KIF26B: variants seen among roughly 807,000 people sequenced by gnomAD.
The protein encoded by KIF26B is kinesin family member 26B.
A neutral mutation model predicts 151.2 loss-of-function variants in KIF26B; 63 were observed. The ratio of observed to expected loss-of-function variants is 0.42; its 90% CI spans 0.34 to 0.51. The LOEUF (loss-of-function observed/expected upper bound fraction) is 0.51. Ranked by LOEUF, KIF26B falls within the 20% of genes least tolerant of loss-of-function variation. The probability of loss-of-function intolerance (pLI) is 0.07; values close to 1 mark genes in which losing one functional copy is unlikely to be tolerated. For missense variants in KIF26B, 2,813 were observed against 2,913.6 expected (o/e 0.97, Z 0.79); for synonymous variants, 1,357 against 1,262.1 (o/e 1.08, Z -1.59).
At chr1:245,549,931 C>T (rs1023508184) in intron 5 of KIF26B, among the ~76,000 whole-genome samples, 31 of 152,186 alleles carry the variant, frequency 2.0e-4, no homozygotes, top group Non-Finnish European at 4.0e-4. Context: ...CAGGCATATG[C>T]CACCACGCTC....
intron 2 of KIF26B, among the ~76,000 whole-genome samples, chr1:245,311,172 C>T (rs1263684909): frequency 6.6e-6 from 1 of 152,116 alleles, no homozygotes; most frequent in Non-Finnish European, 1.5e-5. Context: ...TTTCTCACCG[C>T]CTGATTGTTC....
chr1:245,282,366 G>A (rs1041215250), intron 2 of KIF26B, among the ~76,000 whole-genome samples: 3 of 152,110 alleles, frequency 2.0e-5, no homozygotes, highest in East Asian at 1.9e-4. Flanking sequence ...AAGCATCTCC[G>A]GAAAAGTTTC....
At chr1:245,251,397 C>T (rs568784039) in intron 2 of KIF26B, among the ~76,000 whole-genome samples, 3 of 152,264 alleles carry the variant, frequency 2.0e-5, no homozygotes, top group Non-Finnish European at 4.4e-5. Flanking sequence ...TTTCAAATAT[C>T]TTCTCCTAAT....
chr1:245,629,856 G>T (rs922421536), intron 9 of KIF26B, among the ~76,000 whole-genome samples: 1 of 151,764 alleles, frequency 6.6e-6, no homozygotes, highest in Non-Finnish European at 1.5e-5. Flanking sequence ...TCTGACAAGG[G>T]TCTAATATCC....
At chr1:245,539,809 C>A (rs1661567448) in intron 4 of KIF26B, among the ~76,000 whole-genome samples, 1 of 152,204 alleles carries the variant, frequency 6.6e-6, no homozygotes, top group South Asian at 2.1e-4. Context: ...TGCACCACCA[C>A]ACCCGGCTAA....
At chr1:245,422,359 G>A (rs1397368837) in intron 4 of KIF26B, among the ~76,000 whole-genome samples, 1 of 151,830 alleles carries the variant, frequency 6.6e-6, no homozygotes, top group Non-Finnish European at 1.5e-5. Flanking sequence ...TATTAGCTGG[G>A]CTTTCCCACC....
chr1:245,558,782 T>C (rs866383995), intron 5 of KIF26B, among the ~76,000 whole-genome samples: 3 of 152,306 alleles, frequency 2.0e-5, no homozygotes, highest in Middle Eastern at 3.4e-3. Context: ...AAAGGCAAAA[T>C]ACATGACACT....
intron 3 of KIF26B, among the ~76,000 whole-genome samples, chr1:245,387,932 C>A (rs1162989089): frequency 6.6e-6 from 1 of 152,186 alleles, no homozygotes; most frequent in Non-Finnish European, 1.5e-5. Context: ...CAGTCCTGGG[C>A]TGCGTTTACT....
chr1:245,208,181 TG>T, intron 2 of KIF26B, among the ~76,000 whole-genome samples: 1 of 152,328 alleles, frequency 6.6e-6, no homozygotes, highest in African/African-American at 2.4e-5. Context: ...AGGCTGGCAG[TG>T]GGACTCTACT....
intron 3 of KIF26B, among the ~76,000 whole-genome samples, chr1:245,391,714 T>A (rs531935379): frequency 1.3e-5 from 2 of 152,232 alleles, no homozygotes; most frequent in African/African-American, 2.4e-5. Flanking sequence ...ATGCCACTTT[T>A]CTTACTAATT....
chr1:245,156,480 G>T lies in KIF26B; in HGVS notation c.262G>T (p.Ala88Ser), dbSNP rs1471119897. The T allele has an allele frequency of 1.3e-6, 2 of 1,524,748 alleles. No homozygotes were observed. The highest frequency in any genetic ancestry group is 1.4e-5 in the African/African-American group (1 of 71,072). The allele number at this position is 1,524,748 out of a possible 1,614,324, so 94.5% of individuals were successfully genotyped here. A position where few individuals can be genotyped will look rare whatever the true frequency, so the allele number is the denominator to read the frequency against. Residue 88 changes from alanine to serine, a missense_variant, in exon 2 of 15, where the codon GCC becomes TCC. Transcript: ENST00000407071. Reference sequence around the variant, plus strand: ...CTCGTTCACCGGCTCCCCGGGACCCGCCTCCCCCGGCATCGGCACTAGTTC... The same window carrying T: ...CTCGTTCACCGGCTCCCCGGGACCCTCCTCCCCCGGCATCGGCACTAGTTC... ...PSSFTGSPGP[A>S]SPGIGTSSPG...
chr1:245,688,433 G>A lies in KIF26B; in HGVS notation c.5450G>A (p.Gly1817Asp). The change falls in exon 12 of 15, where the codon GGC becomes GAC. Residue 1817 changes from glycine to aspartate, a missense_variant. Physicochemically the swap from Gly to Asp is moderately conservative, Grantham distance 94. Coordinates refer to ENST00000407071, the MANE Select transcript of KIF26B (RefSeq NM_018012.4). ...RISELLQGGA[G>D]ARGLQLRAGP... ...TCGGAGCTGCTGCAGGGTGGCGCGG[G>A]CGCCCGGGGCTTGCAGCTGCGGGCC... 1 of 1,395,564 alleles carries A rather than the reference G, an allele frequency of 7.2e-7. No individual in the cohort carries two copies. The highest frequency in any genetic ancestry group is 1.7e-5 in the South Asian group (1 of 60,202). The allele number at this position is 1,395,564 out of a possible 1,614,324, so 86.4% of individuals were successfully genotyped here. A position where few individuals can be genotyped will look rare whatever the true frequency, so the allele number is the denominator to read the frequency against.
chr1:245,649,957 T>C (rs912944140), intron 10 of KIF26B, among the ~76,000 whole-genome samples: 2 of 152,204 alleles, frequency 1.3e-5, no homozygotes, highest in Non-Finnish European at 2.9e-5. Flanking sequence ...CAAATGATAT[T>C]GCCCTTGAAG....
At chr1:245,500,748 C>T (rs144453645) in intron 4 of KIF26B, among the ~76,000 whole-genome samples, 40 of 152,294 alleles carry the variant, frequency 2.6e-4, no homozygotes, top group African/African-American at 8.7e-4. Context: ...GGAGGAATTC[C>T]GAAGAGCTGG....
At chr1:245,191,831 C>T (rs904604208) in intron 2 of KIF26B, among the ~76,000 whole-genome samples, 3 of 152,072 alleles carry the variant, frequency 2.0e-5, no homozygotes, top group African/African-American at 4.8e-5. Context: ...GGCTACCAAA[C>T]GCAAGAAAAA....
intron 3 of KIF26B, among the ~76,000 whole-genome samples, chr1:245,387,772 T>C (rs1379209464): frequency 6.6e-6 from 1 of 152,198 alleles, no homozygotes; most frequent in Non-Finnish European, 1.5e-5. Context: ...CAGACAGGGC[T>C]GCTTTGACAC....
At chr1:245,195,840 CAGGGTGTGCTCGGA>C (rs1266613322) in intron 2 of KIF26B, among the ~76,000 whole-genome samples, 1 of 152,218 alleles carries the variant, frequency 6.6e-6, no homozygotes, top group Non-Finnish European at 1.5e-5. Flanking sequence ...GTGGTCAAAG[CAGGGTGTGCTCGGA>C]ACCATTTGAG....
chr1:245,279,082 A>C (rs534999133), intron 2 of KIF26B, among the ~76,000 whole-genome samples: 1 of 152,222 alleles, frequency 6.6e-6, no homozygotes, highest in Non-Finnish European at 1.5e-5. Flanking sequence ...CTCTTGAAGG[A>C]GATGGGGAAG....
At chr1:245,369,151 T>C (rs1012566961) in intron 3 of KIF26B, among the ~76,000 whole-genome samples, 3 of 147,524 alleles carry the variant, frequency 2.0e-5, no homozygotes, top group Non-Finnish European at 4.4e-5. Flanking sequence ...AGACTCTGAA[T>C]TGGGAAAAAA....
Sources: allele counts gnomAD v4.1 joint callset (sites outside exome capture counted in the v4.1 genomes callset), GRCh38; gene constraint gnomAD v4.1.1; transcripts MANE v1.5; gene names NCBI Gene and HGNC (gene_info 2026-07-23, HGNC 2026-07-21).